FANCC: variants seen among roughly 807,000 people sequenced by gnomAD.
FANCC encodes the protein FA complementation group C, also known as Fanconi anemia group C protein.
In FANCC, 55 loss-of-function variants were observed where a neutral mutation model predicts 71.3. The ratio of observed to expected loss-of-function variants is 0.77; its 90% confidence interval spans 0.62 to 0.97. The LOEUF (loss-of-function observed/expected upper bound fraction) is 0.97. Among genes scored for constraint, FANCC ranks in the 50% least tolerant of loss-of-function variants. The pLI is 0.00. For missense variants in FANCC, 678 were observed against 670.9 expected (o/e 1.01, Z -0.12); for synonymous variants, 275 against 244.9 (o/e 1.12, Z -1.15).
intron 1 of FANCC, among the ~76,000 whole-genome samples, chr9:95,272,916 G>C (rs1025470608): frequency 4.6e-5 from 7 of 152,114 alleles, no homozygotes; most frequent in Admixed American, 1.3e-4. Flanking sequence ...TCGGTGATCA[G>C]CATAACTCTT....
chr9:95,145,647 G>A (rs1829430248), intron 7 of FANCC: 1 of 152,168 alleles, frequency 6.6e-6, no homozygotes, highest in Non-Finnish European at 1.5e-5. Context: ...GAACACAGTT[G>A]ATGCCAGCAC....
intron 8 of FANCC, among the ~76,000 whole-genome samples, chr9:95,131,161 G>A (rs1055027484): frequency 3.3e-5 from 5 of 152,070 alleles, no homozygotes. Flanking sequence ...TCATTCCTGG[G>A]CTTAAGAACT....
intron 1 of FANCC, among the ~76,000 whole-genome samples, chr9:95,277,580 A>G (rs1473883810): frequency 6.6e-6 from 1 of 152,226 alleles, no homozygotes; most frequent in Non-Finnish European, 1.5e-5. Context: ...CAAACCCCAA[A>G]TAAGATAAAT....
intron 10 of FANCC, among the ~76,000 whole-genome samples, chr9:95,121,263 C>T (rs1266850205): frequency 1.3e-5 from 2 of 152,180 alleles, no homozygotes; most frequent in African/African-American, 4.8e-5. Context: ...ACACCCATTT[C>T]AATTTCTGCC....
intron 4 of FANCC, among the ~76,000 whole-genome samples, chr9:95,189,107 C>A (rs191210757): frequency 3.3e-5 from 5 of 152,228 alleles, no homozygotes; most frequent in Non-Finnish European, 7.4e-5. Context: ...TATTCCCATC[C>A]CTTTTGCAGT....
At chr9:95,301,241 T>C (rs1207901709) in intron 1 of FANCC, among the ~76,000 whole-genome samples, 1 of 151,596 alleles carries the variant, frequency 6.6e-6, no homozygotes, top group African/African-American at 2.4e-5. Context: ...TAACAGTGCA[T>C]GAAGAATATT....
At chr9:95,106,534 T>C (rs766551005) in intron 14 of FANCC, among the ~76,000 whole-genome samples, 9 of 152,270 alleles carry the variant, frequency 5.9e-5, no homozygotes, top group Non-Finnish European at 1.5e-5. Context: ...CAAGAAATCA[T>C]TGCCAAATCT....
intron 1 of FANCC, among the ~76,000 whole-genome samples, chr9:95,304,192 G>A (rs1201327097): frequency 6.6e-6 from 1 of 152,158 alleles, no homozygotes; most frequent in African/African-American, 2.4e-5. Context: ...TCTGCTTTAG[G>A]AAGATACTAG....
chr9:95,231,933 G>C (rs746848501), intron 4 of FANCC, among the ~76,000 whole-genome samples: 1 of 152,090 alleles, frequency 6.6e-6, no homozygotes, highest in Admixed American at 6.5e-5. Flanking sequence ...GTCCATTCTC[G>C]CATTGCTATA....
At chr9:95,308,440 C>A (rs1288371339) in intron 1 of FANCC, among the ~76,000 whole-genome samples, 1 of 106,334 alleles carries the variant, frequency 9.4e-6, no homozygotes, top group African/African-American at 3.8e-5. Context: ...CATGTCACCA[C>A]ACCCGGCTAG....
chr9:95,105,825 G>C (rs1346471036), intron 14 of FANCC, among the ~76,000 whole-genome samples: 1 of 152,206 alleles, frequency 6.6e-6, no homozygotes, highest in Non-Finnish European at 1.5e-5. Flanking sequence ...TCTTCAGGCT[G>C]AACAGTACTC....
intron 14 of FANCC, among the ~76,000 whole-genome samples, chr9:95,106,212 C>CCTTT (rs936464470): frequency 2.6e-5 from 4 of 152,164 alleles, no homozygotes; most frequent in African/African-American, 9.7e-5. Context: ...CCACTCATGC[C>CCTTT]CTTTCTGTGA....
chr9:95,297,737 T>C (rs1384757608), intron 1 of FANCC, among the ~76,000 whole-genome samples: 3 of 152,250 alleles, frequency 2.0e-5, no homozygotes, highest in South Asian at 2.1e-4. Context: ...GAAATATGTA[T>C]AATGTATTTT....
chr9:95,135,278 T>C, intron 8 of FANCC, 68 bp downstream of exon 8: 1 of 1,476,922 alleles, frequency 6.8e-7, no homozygotes, highest in South Asian at 1.1e-5. Flanking sequence ...TTTCATTCTC[T>C]GACTAAAAGA....
At chr9:95,139,162 A>T (rs1828185715) in intron 7 of FANCC, among the ~76,000 whole-genome samples, 1 of 152,248 alleles carries the variant, frequency 6.6e-6, no homozygotes, top group Admixed American at 6.5e-5. Context: ...CAAATCACAG[A>T]AAAAGAACTG....
intron 1 of FANCC, among the ~76,000 whole-genome samples, chr9:95,263,533 T>TATAGATAG (rs34461769): frequency 0.02 from 2,910 of 147,252 alleles, 48 homozygotes; most frequent in Middle Eastern, 0.054. Context: ...TATATATAGA[T>TATAGATAG]ATAGATAGAT....
rs949837572 is a variant in FANCC at position 95,261,160 on chromosome 9, C to T, written c.-78-11791G>A. Among the ~76,000 whole-genome samples the T allele has an allele frequency of 4.6e-5, 7 of 152,310 alleles. No homozygotes were observed. In the South Asian group the frequency reaches 6.2e-4, roughly 14 times the overall value. On this transcript the variant is annotated intron_variant, in intron 1 of 14. Transcript: ENST00000289081. ...CGAAGCAGACATATAAGGTGGCTTC[C>T]GTGCAGCTCCAAAAAATGCATGCCT...
intron 1 of FANCC, among the ~76,000 whole-genome samples, chr9:95,266,385 A>G (rs1832386554): frequency 6.6e-6 from 1 of 152,238 alleles, no homozygotes; most frequent in Admixed American, 6.5e-5. Flanking sequence ...TGGTACCGAC[A>G]GGCAGGTTCT....
chr9:95,158,464 G>A (rs1050534074), intron 6 of FANCC, among the ~76,000 whole-genome samples: 3 of 152,070 alleles, frequency 2.0e-5, no homozygotes, highest in East Asian at 3.8e-4. Context: ...TAGAAAAGGT[G>A]AATATTTGAG....
Sources: allele counts gnomAD v4.1 joint callset (sites outside exome capture counted in the v4.1 genomes callset), GRCh38; gene constraint gnomAD v4.1.1; transcripts MANE v1.5; gene names NCBI Gene and HGNC (gene_info 2026-07-23, HGNC 2026-07-21).